EPHA4: variants seen among roughly 807,000 people sequenced by gnomAD.
The protein encoded by EPHA4 is EPH receptor A4.
In EPHA4, 19 loss-of-function variants were observed where a neutral mutation model predicts 108.3. That is an observed-to-expected ratio of 0.18 (90% confidence interval 0.12 to 0.26). EPHA4 has a LOEUF of 0.26. EPHA4 is among the 10% of genes least tolerant of loss of function. The pLI is 1.00. For missense variants in EPHA4, 917 were observed against 1,254.0 expected, an observed-to-expected ratio of 0.73 and a Z score of 4.06; for synonymous variants, 449 against 455.5, an observed-to-expected ratio of 0.99 and a Z score of 0.18.
chr2:221,566,944 G>GGAAGAGGAAGA (rs1559297332), intron 2 of EPHA4, among the ~76,000 whole-genome samples: 2 of 7,688 alleles, frequency 2.6e-4, no homozygotes, highest in African/African-American at 1.1e-3. Flanking sequence ...GAAGGAGAAG[G>GGAAGAGGAAGA]AGAAGGAGAA....
intron 3 of EPHA4, among the ~76,000 whole-genome samples, chr2:221,509,259 C>T (rs1692732195): frequency 6.6e-6 from 1 of 152,162 alleles, no homozygotes; most frequent in Non-Finnish European, 1.5e-5. Flanking sequence ...ACCCGGGAGG[C>T]GGAGGTTGCA....
At chr2:221,429,150 C>A (rs113224818) in intron 15 of EPHA4, among the ~76,000 whole-genome samples, 139 of 152,174 alleles carry the variant, frequency 9.1e-4, no homozygotes, top group African/African-American at 3.2e-3. Flanking sequence ...TGCCTGTATT[C>A]TAAAATAATT....
chr2:221,439,792 G>C (rs1177975866), intron 11 of EPHA4, among the ~76,000 whole-genome samples: 1 of 152,180 alleles, frequency 6.6e-6, no homozygotes, highest in African/African-American at 2.4e-5. Flanking sequence ...CATTTCACCA[G>C]ATCCCTCTGG....
intron 3 of EPHA4, among the ~76,000 whole-genome samples, chr2:221,508,188 T>C (rs1435540255): frequency 1.3e-5 from 2 of 152,194 alleles, no homozygotes; most frequent in African/African-American, 2.4e-5. Context: ...TCATCCTTTC[T>C]CTAATACCCG....
intron 3 of EPHA4, among the ~76,000 whole-genome samples, chr2:221,524,428 T>C (rs1349445280): frequency 6.6e-6 from 1 of 152,116 alleles, no homozygotes; most frequent in African/African-American, 2.4e-5. Flanking sequence ...TTTGCTGAAA[T>C]GAGAATGAGA....
chr2:221,536,750 G>A lies in EPHA4; in HGVS notation c.823+26981C>T, dbSNP rs892887942. Among the ~76,000 whole-genome samples the A allele has an allele frequency of 2.6e-5, 4 of 152,344 alleles. No individual in the cohort carries two copies. The South Asian group carries it at 6.2e-4, about 24-fold the overall frequency. On this transcript the variant is annotated intron_variant, in intron 3 of 17. Transcript: ENST00000281821. ...AAAAGCAGCCCAGATTTGTAGTTAAGGGTGAAGGCTTGGTCAGTGGCCAGA... is the reference window on the plus strand; with the variant it reads ...AAAAGCAGCCCAGATTTGTAGTTAAAGGTGAAGGCTTGGTCAGTGGCCAGA...
chr2:221,572,345 C>A (rs1328697552), upstream of EPHA4: 3 of 1,093,872 alleles, frequency 2.7e-6, no homozygotes, highest in African/African-American at 1.6e-5. Flanking sequence ...GCCAAGGGGG[C>A]GGGCCCGGCC....
At chr2:221,501,615 C>G (rs548747962) in intron 3 of EPHA4, among the ~76,000 whole-genome samples, 2 of 152,276 alleles carry the variant, frequency 1.3e-5, no homozygotes, top group Admixed American at 1.3e-4. Context: ...CAGCACCCAG[C>G]TTTGACCCCA....
chr2:221,426,550 G>C lies in EPHA4; in HGVS notation c.2760C>G (p.Leu920=), dbSNP rs267599215. ...FSAVVSVGDW[L]QAIKMDRYKD... ...TATACCGGTCCATTTTAATGGCCTG[G>C]AGCCAATCGCCCACTGATACCACAG... Residue 920 remains leucine (L), a synonymous_variant, in exon 16 of 18, where the codon CTC becomes CTG. Transcript: ENST00000281821. The C allele has an allele frequency of 6.2e-7, 1 of 1,613,958 alleles. No homozygotes were observed. Among genetic ancestry groups the C allele is most frequent in the Admixed American group, 1.7e-5 (1 of 59,998 alleles).
At position 221,426,456 on chromosome 2, in the gene EPHA4, G is replaced by A; in HGVS notation, c.2846+8C>T. 6.3e-7 allele frequency: 1 copy of A among 1,594,656 alleles called. No individual in the cohort carries two copies. Among genetic ancestry groups the A allele is most frequent in the Non-Finnish European group, 8.5e-7 (1 of 1,174,580 alleles). On this transcript the variant is annotated splice_region_variant and intron_variant, in intron 16 of 17. Coordinates refer to ENST00000281821, the MANE Select transcript of EPHA4 (RefSeq NM_004438.5). ...TTACCCTTTCGTGTTACATCGTTGAGTACTTACTCCTGGTTCACGTGCACC... is the reference window on the plus strand; with the variant it reads ...TTACCCTTTCGTGTTACATCGTTGAATACTTACTCCTGGTTCACGTGCACC...
At chr2:221,545,447 C>A (rs533672960) in intron 3 of EPHA4, among the ~76,000 whole-genome samples, 1 of 151,882 alleles carries the variant, frequency 6.6e-6, no homozygotes, top group Admixed American at 6.6e-5. Flanking sequence ...CCAGCCTGGG[C>A]GACAGAGCAA....
chr2:221,465,882 A>C (rs987584668), intron 5 of EPHA4, among the ~76,000 whole-genome samples: 74 of 151,310 alleles, frequency 4.9e-4, no homozygotes, highest in African/African-American at 1.4e-3. Flanking sequence ...GCCTTCTGGC[A>C]AAAAAGAGGT....
chr2:221,517,259 G>A (rs1693016479), intron 3 of EPHA4, among the ~76,000 whole-genome samples: 2 of 152,182 alleles, frequency 1.3e-5, no homozygotes, highest in South Asian at 4.1e-4. Context: ...AGAGAAAGTT[G>A]CAGAAGGCCT....
intron 5 of EPHA4, among the ~76,000 whole-genome samples, chr2:221,475,709 T>C (rs1691633064): frequency 6.6e-6 from 1 of 152,236 alleles, no homozygotes; most frequent in East Asian, 1.9e-4. Flanking sequence ...TTTGTTCCAG[T>C]AAAACTTTAT....
intron 8 of EPHA4, among the ~76,000 whole-genome samples, chr2:221,450,743 C>A (rs1690756902): frequency 6.6e-6 from 1 of 151,946 alleles, no homozygotes; most frequent in Non-Finnish European, 1.5e-5. Flanking sequence ...ACTTTATAAC[C>A]CTAACATAAA....
chr2:221,450,739 T>C (rs971398360), intron 8 of EPHA4, among the ~76,000 whole-genome samples: 1 of 152,168 alleles, frequency 6.6e-6, no homozygotes, highest in Non-Finnish European at 1.5e-5. Context: ...GGGTACTTTA[T>C]AACCCTAACA....
At chr2:221,539,914 CT>C (rs1315903907) in intron 3 of EPHA4, among the ~76,000 whole-genome samples, 1 of 152,002 alleles carries the variant, frequency 6.6e-6, no homozygotes, top group Non-Finnish European at 1.5e-5. Flanking sequence ...AGCCAGTTTT[CT>C]TTTTTCTTTT....
At chr2:221,548,287 G>A (rs1160775690) in intron 3 of EPHA4, among the ~76,000 whole-genome samples, 3 of 152,028 alleles carry the variant, frequency 2.0e-5, no homozygotes, top group East Asian at 3.9e-4. Flanking sequence ...AACTGGGGAG[G>A]TGAAGGTTGC....
rs1426428058 is a variant in EPHA4, at chr2:221,463,777, C to T, written c.1319-5787G>A. Among the ~76,000 whole-genome samples, 9 of 152,072 alleles carry T rather than the reference C, an allele frequency of 5.9e-5. No individual in the cohort carries two copies. In the East Asian group the frequency reaches 1.5e-3, roughly 26 times the overall value. The stretch of plus-strand genomic sequence containing the variant: ...TGCAGCAGTTTGGTCCTTGTGACAC[C>T]CAAATGGGATGGAGAAGAGAAGAGG... On this transcript the variant is annotated intron_variant, in intron 5 of 17. Coordinates refer to ENST00000281821, the MANE Select transcript of EPHA4 (RefSeq NM_004438.5).
Sources: allele counts gnomAD v4.1 joint callset (sites outside exome capture counted in the v4.1 genomes callset), GRCh38; gene constraint gnomAD v4.1.1; transcripts MANE v1.5; gene names NCBI Gene and HGNC (gene_info 2026-07-23, HGNC 2026-07-21).